Variants in DLC1 observed in about 807,000 individuals in gnomAD.
DLC1 encodes rho GTPase-activating protein 7.
DLC1 carries 54 observed loss-of-function variants against 140.3 expected under a neutral mutation model. The ratio of observed to expected loss-of-function variants is 0.38; its 90% CI spans 0.31 to 0.48. DLC1 has a LOEUF of 0.48. DLC1 is among the 20% of genes least tolerant of loss of function. The pLI is 0.96. For missense variants in DLC1, 2,536 were observed against 1,907.0 expected (o/e 1.33, Z -6.14); for synonymous variants, 986 against 728.1 (o/e 1.35, Z -5.70).
chr8:13,185,823 C>T (rs553836825), intron 5 of DLC1, among the ~76,000 whole-genome samples: 2 of 152,228 alleles, frequency 1.3e-5, no homozygotes, highest in South Asian at 4.1e-4. Context: ...CCTTCAGGAG[C>T]TCTTGTAAGG....
chr8:13,467,489 T>A (rs1434257501), intron 2 of DLC1, among the ~76,000 whole-genome samples: 1 of 151,932 alleles, frequency 6.6e-6, no homozygotes, highest in African/African-American at 2.4e-5. Context: ...GGACTGGATA[T>A]AGTGGCTCAC....
intron 1 of DLC1, among the ~76,000 whole-genome samples, chr8:13,596,624 G>A (rs1365962442): frequency 6.6e-6 from 1 of 152,002 alleles, no homozygotes; most frequent in Non-Finnish European, 1.5e-5. Context: ...GAGGCAGAAA[G>A]GAGAATGGAT....
chr8:13,439,892 A>G (rs917274812), intron 2 of DLC1, among the ~76,000 whole-genome samples: 4 of 152,160 alleles, frequency 2.6e-5, no homozygotes, highest in African/African-American at 9.7e-5. Context: ...GCCTCACAGA[A>G]GTGAAATTTT....
At chr8:13,385,480 T>G (rs930911945) in intron 4 of DLC1, among the ~76,000 whole-genome samples, 1 of 152,248 alleles carries the variant, frequency 6.6e-6, no homozygotes, top group Middle Eastern at 3.4e-3. Context: ...GATTTAAAAA[T>G]AAATGAAGCG....
At chr8:13,594,181 T>C (rs1211891187) in intron 1 of DLC1, among the ~76,000 whole-genome samples, 1 of 151,946 alleles carries the variant, frequency 6.6e-6, no homozygotes, top group Non-Finnish European at 1.5e-5. Flanking sequence ...AAAAAGATCC[T>C]CTTTTTATAT....
In DLC1 at chr8:13,500,190, TCAC is replaced by T. The variant is rs1801745267; in HGVS notation, c.-122_-120del. On this transcript the variant is annotated 5_prime_UTR_variant, in exon 2 of 18. The change creates a premature stop within an existing upstream ORF in the 5' untranslated region. Coordinates refer to ENST00000276297, the MANE Select transcript of DLC1 (RefSeq NM_182643.3). ...AAAGAAGCGAATGAGTTCTGTCATT[TCAC>T]CACCTATTAAAAAATTCAAAAAAAT... The T allele has an allele frequency of 9.0e-6, 8 of 893,554 alleles. No homozygotes were observed. The South Asian group carries it at 1.6e-4, about 18-fold the overall frequency. 55.4% of individuals were successfully genotyped at this position (893,554 alleles called of 1,614,324 possible). A position where few individuals can be genotyped will look rare whatever the true frequency, so the allele number is the denominator to read the frequency against.
At chr8:13,540,068 CA>C (rs1803433354) in intron 1 of DLC1, among the ~76,000 whole-genome samples, 1 of 152,110 alleles carries the variant, frequency 6.6e-6, no homozygotes, top group South Asian at 2.1e-4. Flanking sequence ...AACCTAGTCG[CA>C]AAAGACTTTG....
chr8:13,126,949 T>G (rs1431167357), intron 5 of DLC1, among the ~76,000 whole-genome samples: 4 of 152,042 alleles, frequency 2.6e-5, no homozygotes, highest in African/African-American at 9.7e-5. Flanking sequence ...AAAAAGAAAA[T>G]GAATGAAATA....
intron 5 of DLC1, among the ~76,000 whole-genome samples, chr8:13,164,698 G>C (rs1169285423): frequency 6.6e-6 from 1 of 152,186 alleles, no homozygotes; most frequent in Non-Finnish European, 1.5e-5. Context: ...TACATCAGGA[G>C]AAAGCTCTTT....
chr8:13,139,288 C>CAAAAA (rs67684524), intron 5 of DLC1, among the ~76,000 whole-genome samples: 31 of 49,274 alleles, frequency 6.3e-4, no homozygotes, highest in South Asian at 1.0e-3. Flanking sequence ...GACCCTGTCT[C>CAAAAA]AAAAAAAAAA....
At chr8:13,162,185 G>A (rs1824756176) in intron 5 of DLC1, among the ~76,000 whole-genome samples, 1 of 152,092 alleles carries the variant, frequency 6.6e-6, no homozygotes, top group Non-Finnish European at 1.5e-5. Flanking sequence ...AGAAACATAA[G>A]AGGAGATCAG....
rs368932259 is a variant in DLC1, at chr8:13,555,401, G to T, written c.-126+49136C>A. ...GACAAGATAGCCATAGCAACTTCAG[G>T]ATAATGGACACGTTTGTGGAGGAAC... On this transcript the variant is annotated intron_variant, in intron 1 of 1. Transcript: ENST00000631382. Among the ~76,000 whole-genome samples, 9 of 152,184 alleles carry T rather than the reference G, an allele frequency of 5.9e-5. No homozygotes were observed. In the East Asian group the frequency reaches 1.2e-3, roughly 20 times the overall value.
intron 5 of DLC1, among the ~76,000 whole-genome samples, chr8:13,137,494 T>C (rs1822658856): frequency 6.6e-6 from 1 of 152,140 alleles, no homozygotes; most frequent in African/African-American, 2.4e-5. Flanking sequence ...TACTTATTTG[T>C]TCTCCATGGC....
intron 1 of DLC1, among the ~76,000 whole-genome samples, chr8:13,527,566 C>T (rs1015762017): frequency 3.3e-5 from 5 of 152,008 alleles, no homozygotes; most frequent in African/African-American, 1.2e-4. Context: ...TTATTGATTT[C>T]TAATTTACTT....
intron 4 of DLC1, among the ~76,000 whole-genome samples, chr8:13,381,202 C>G (rs966265121): frequency 1.3e-5 from 2 of 152,078 alleles, no homozygotes; most frequent in Non-Finnish European, 2.9e-5. Flanking sequence ...TTCTCACAGA[C>G]CAGAGATGTA....
intron 1 of DLC1, among the ~76,000 whole-genome samples, chr8:13,582,878 CTATATATATATATATATATATATA>C (rs55681527): frequency 0.094 from 9,668 of 103,144 alleles, 708 homozygotes; most frequent in South Asian, 0.25. Flanking sequence ...ATACTGTGGT[CTATATATATATATATATATATATA>C]TATATATATA....
chr8:13,583,524 C>T (rs1327427939), intron 1 of DLC1, among the ~76,000 whole-genome samples: 1 of 152,104 alleles, frequency 6.6e-6, no homozygotes. Context: ...AGTCTTAAAC[C>T]CCTCAAAGTA....
At chr8:13,101,240 G>A (rs367765534) in intron 8 of DLC1, among the ~76,000 whole-genome samples, 24 of 152,272 alleles carry the variant, frequency 1.6e-4, no homozygotes, top group Non-Finnish European at 2.9e-4. Flanking sequence ...TAACAAAGAT[G>A]TATTTAAAGA....
At chr8:13,318,217 A>G (rs1271866580) in intron 4 of DLC1, among the ~76,000 whole-genome samples, 3 of 145,146 alleles carry the variant, frequency 2.1e-5, no homozygotes, top group African/African-American at 7.7e-5. Context: ...TTTTTTTTTC[A>G]GAGAAGGAGT....
Sources: allele counts gnomAD v4.1 joint callset (sites outside exome capture counted in the v4.1 genomes callset), GRCh38; gene constraint gnomAD v4.1.1; transcripts MANE v1.5; gene names NCBI Gene and HGNC (gene_info 2026-07-23, HGNC 2026-07-21).